The following MAPK10 variants were observed in gnomAD, a reference collection of about 807,000 sequenced individuals.
The protein encoded by MAPK10 is JNK3 alpha protein kinase.
In MAPK10, 25 loss-of-function variants were observed where a neutral mutation model predicts 59.3. That is an observed-to-expected ratio of 0.42 (90% CI 0.31 to 0.59). MAPK10 has a LOEUF of 0.59. Ranked by LOEUF, MAPK10 falls within the 20% of genes least tolerant of loss-of-function variation. The pLI is 0.15. For missense variants in MAPK10, 351 were observed against 568.9 expected (o/e 0.62, Z 3.90); for synonymous variants, 190 against 200.5 (o/e 0.95, Z 0.44).
intron 2 of MAPK10, among the ~76,000 whole-genome samples, chr4:86,320,953 ACAATTATGCAGC>A (rs1332406125): frequency 4.1e-5 from 6 of 146,016 alleles, no homozygotes; most frequent in Middle Eastern, 3.6e-3. Flanking sequence ...TCAAAAGAAG[ACAATTATGCAGC>A]CAAAAAACAC....
intron 2 of MAPK10, among the ~76,000 whole-genome samples, chr4:86,349,877 GAGTA>G (rs141058841): frequency 0.011 from 1,659 of 152,252 alleles, 16 homozygotes; most frequent in Non-Finnish European, 0.018. Context: ...GGATGGAAAG[GAGTA>G]AGTAAGGGCT....
intron 4 of MAPK10, among the ~76,000 whole-genome samples, chr4:86,113,982 C>T (rs1472821245): frequency 6.6e-6 from 1 of 152,158 alleles, no homozygotes; most frequent in African/African-American, 2.4e-5. Flanking sequence ...GCTCTGAGAT[C>T]CTTTCCTCTA....
chr4:86,574,186 G>C (rs868501579), intron 1 of MAPK10, among the ~76,000 whole-genome samples: 9 of 151,472 alleles, frequency 5.9e-5, no homozygotes, highest in African/African-American at 1.7e-4. Flanking sequence ...ACAGTTTACT[G>C]AGAATGATGA....
At chr4:86,546,532 G>A (rs983512168) in intron 1 of MAPK10, among the ~76,000 whole-genome samples, 43 of 150,814 alleles carry the variant, frequency 2.9e-4, no homozygotes, top group African/African-American at 8.8e-4. Flanking sequence ...ACTCCAGCCT[G>A]GGGGACAAGA....
At chr4:86,360,471 AGAG>A (rs1232117983), upstream of MAPK10, among the ~76,000 whole-genome samples, 2 of 152,244 alleles carry the variant, frequency 1.3e-5, no homozygotes, top group African/African-American at 4.8e-5. Flanking sequence ...TAATAACCTC[AGAG>A]GAGAAGCAGG....
At chr4:86,238,221 C>G (rs1583322573) in intron 2 of MAPK10, among the ~76,000 whole-genome samples, 2 of 152,172 alleles carry the variant, frequency 1.3e-5, no homozygotes, top group Non-Finnish European at 2.9e-5. Context: ...GTTTTTGTAC[C>G]AATACCATAC....
chr4:86,190,246 A>G (rs368130465), intron 3 of MAPK10, among the ~76,000 whole-genome samples: 1 of 152,160 alleles, frequency 6.6e-6, no homozygotes, highest in African/African-American at 2.4e-5. Context: ...TGGTATCAGT[A>G]TGATGCTGGC....
chr4:86,427,676 G>A (rs1747485644), intron 1 of MAPK10, among the ~76,000 whole-genome samples: 1 of 152,154 alleles, frequency 6.6e-6, no homozygotes, highest in Non-Finnish European at 1.5e-5. Flanking sequence ...AACTTATATT[G>A]ACAGGTTAAA....
chr4:86,296,859 T>A (rs1456953970), intron 2 of MAPK10, among the ~76,000 whole-genome samples: 1 of 152,260 alleles, frequency 6.6e-6, no homozygotes, highest in Non-Finnish European at 1.5e-5. Flanking sequence ...AAACAATTTT[T>A]GTAAATTCTA....
At chr4:86,308,678 T>C (rs1312142040) in intron 2 of MAPK10, 1 of 152,198 alleles carries the variant, frequency 6.6e-6, no homozygotes, top group Non-Finnish European at 1.5e-5. Context: ...ATCGTCGGGC[T>C]TTTAGCTTAG....
At chr4:86,064,708 A>G (rs1456152318) in intron 10 of MAPK10, 3 of 285,110 alleles carry the variant, frequency 1.1e-5, no homozygotes, top group Non-Finnish European at 2.0e-5. Flanking sequence ...CTGCATGAAT[A>G]TAGGATAAAC....
Position 86,360,037 on chromosome 4 carries a change from G to T in MAPK10, c.-501C>A. ...CCTGGAAACCATTGTGCAGCGTGAT[G>T]CTGCCTGTACCATTGTGGAACCTAC... On this transcript the variant is annotated 5_prime_UTR_variant, in exon 1 of 14. Coordinates refer to ENST00000641462, the MANE Select transcript of MAPK10 (RefSeq NM_138982.4). The T allele has an allele frequency of 1.0e-6, 1 of 985,870 alleles. No homozygotes were observed. Among genetic ancestry groups the T allele is most frequent in the Non-Finnish European group, 1.2e-6 (1 of 829,978 alleles). The allele number at this position is 985,870 out of a possible 1,614,324, so 61.1% of individuals were successfully genotyped here.
At chr4:86,152,794 C>G (rs1024856223) in intron 4 of MAPK10, among the ~76,000 whole-genome samples, 1 of 152,096 alleles carries the variant, frequency 6.6e-6, no homozygotes, top group African/African-American at 2.4e-5. Context: ...AAAAACAAAG[C>G]CAGCTTATCT....
intron 1 of MAPK10, among the ~76,000 whole-genome samples, chr4:86,366,619 A>T (rs1737941955): frequency 6.6e-6 from 1 of 152,058 alleles, no homozygotes; most frequent in Non-Finnish European, 1.5e-5. Flanking sequence ...ATTGATGGAG[A>T]TTTACATAGC....
At chr4:86,279,690 G>T (rs534968915) in intron 2 of MAPK10, among the ~76,000 whole-genome samples, 12 of 152,034 alleles carry the variant, frequency 7.9e-5, no homozygotes, top group African/African-American at 1.4e-4. Flanking sequence ...TACTAGGGGG[G>T]GCTCAACTAA....
At chr4:86,170,191 A>C (rs1170427274) in intron 3 of MAPK10, among the ~76,000 whole-genome samples, 8 of 152,186 alleles carry the variant, frequency 5.3e-5, no homozygotes, top group African/African-American at 1.7e-4. Context: ...TAATGACAGG[A>C]TCAAATACAC....
intron 1 of MAPK10, among the ~76,000 whole-genome samples, chr4:86,472,470 C>T (rs1454571678): frequency 6.6e-6 from 1 of 152,044 alleles, no homozygotes; most frequent in Non-Finnish European, 1.5e-5. Flanking sequence ...CATGGCAAAA[C>T]CCCATCTCTA....
At chr4:86,555,737 A>G (rs1760214807) in intron 1 of MAPK10, among the ~76,000 whole-genome samples, 1 of 152,228 alleles carries the variant, frequency 6.6e-6, no homozygotes, top group Admixed American at 6.5e-5. Context: ...TAGGAAAGAA[A>G]ACAACTTTAA....
At chr4:86,375,191 C>A (rs1243310850) in intron 1 of MAPK10, among the ~76,000 whole-genome samples, 1 of 152,122 alleles carries the variant, frequency 6.6e-6, no homozygotes, top group Non-Finnish European at 1.5e-5. Context: ...TGCACACACA[C>A]ACATACACAC....
Sources: gnomAD v4.1 joint callset for allele counts (sites outside exome capture counted in the v4.1 genomes callset) on GRCh38, gnomAD v4.1.1 for gene constraint, MANE v1.5 for transcripts, NCBI Gene and HGNC (gene_info 2026-07-23, HGNC 2026-07-21) for gene names.